Variants in STK39 observed in about 807,000 individuals in gnomAD.
STK39 encodes the protein STE20/SPS1-related proline-alanine-rich protein kinase.
STK39 carries 20 observed loss-of-function variants against 77.8 expected under a neutral mutation model. The ratio of observed to expected loss-of-function variants is 0.26; its 90% CI spans 0.18 to 0.37. The LOEUF (loss-of-function observed/expected upper bound fraction) is 0.37, where lower values mean the gene tolerates loss of function less well. Among genes scored for constraint, STK39 ranks in the 10% least tolerant of loss-of-function variants. The probability of loss-of-function intolerance (pLI) is 1.00; values close to 1 mark genes in which losing one functional copy is unlikely to be tolerated. For synonymous variants in STK39, 246 were observed against 234.1 expected (o/e 1.05, Z -0.47); for missense variants, 479 against 656.5 (o/e 0.73, Z 2.95).
chr2:168,119,256 G>A (rs763826997), intron 10 of STK39, among the ~76,000 whole-genome samples: 2 of 152,040 alleles, frequency 1.3e-5, no homozygotes, highest in Non-Finnish European at 2.9e-5. Context: ...GCGGAAGTGG[G>A]TCCACTTCTC....
At chr2:167,988,049 G>A (rs79748564) in intron 16 of STK39, among the ~76,000 whole-genome samples, 1 of 152,114 alleles carries the variant, frequency 6.6e-6, no homozygotes, top group Admixed American at 6.5e-5. Flanking sequence ...GGGAGGGACA[G>A]AGGCAAGATT....
intron 1 of STK39, among the ~76,000 whole-genome samples, chr2:168,216,790 C>T (rs542492954): frequency 6.6e-6 from 1 of 152,362 alleles, no homozygotes; most frequent in Admixed American, 6.5e-5. Context: ...TCATGAACAG[C>T]AGCGGACTTT....
chr2:168,095,867 T>G (rs1196227783), intron 10 of STK39, among the ~76,000 whole-genome samples: 2 of 152,140 alleles, frequency 1.3e-5, no homozygotes, highest in African/African-American at 2.4e-5. Context: ...GCTTTGCTTT[T>G]CTTTTGTTGA....
At chr2:168,208,789 G>A (rs1044983264) in intron 1 of STK39, among the ~76,000 whole-genome samples, 2 of 152,202 alleles carry the variant, frequency 1.3e-5, no homozygotes, top group African/African-American at 2.4e-5. Context: ...CCCCTGAGCA[G>A]TGCTCCCATG....
At chr2:168,193,970 A>G (rs1037226034) in intron 1 of STK39, among the ~76,000 whole-genome samples, 1 of 152,228 alleles carries the variant, frequency 6.6e-6, no homozygotes, top group Non-Finnish European at 1.5e-5. Flanking sequence ...ACTGGAAAGG[A>G]GGCCTGAAGC....
In STK39 at chr2:168,247,391, C is replaced by G; in HGVS notation, c.45G>C (p.Gln15His). The G allele has an allele frequency of 8.6e-7, 1 of 1,158,786 alleles. No individual in the cohort carries two copies. The highest frequency in any genetic ancestry group is 1.1e-6 in the Non-Finnish European group (1 of 936,852). The allele number at this position is 1,158,786 out of a possible 1,614,324, so 71.8% of individuals were successfully genotyped here. A position where few individuals can be genotyped will look rare whatever the true frequency, so the allele number is the denominator to read the frequency against. Residue 15 changes from glutamine (Q) to histidine (H), a missense_variant, in exon 1 of 18, where the codon CAG (glutamine) becomes CAC (histidine). This residue lies in a region of STK39 where 96 missense variants were observed against 79.1 expected (regional missense o/e 1.21). Coordinates refer to ENST00000355999, the MANE Select transcript of STK39 (RefSeq NM_013233.3). ...CCGCCGCTGTCACCGGGGCCGCCTGCTGGGGAAGCTGGACGTGCACGGGCG... is the reference window on the plus strand; with the variant it reads ...CCGCCGCTGTCACCGGGGCCGCCTGGTGGGGAAGCTGGACGTGCACGGGCG... ...SGSPVHVQLP[Q>H]QAAPVTAAAA...
At chr2:168,216,137 G>A (rs955895899) in intron 1 of STK39, among the ~76,000 whole-genome samples, 1 of 91,418 alleles carries the variant, frequency 1.1e-5, no homozygotes, top group Non-Finnish European at 3.7e-5. Context: ...GATATGGATA[G>A]GCCTCCCGTG....
chr2:167,960,971 T>C (rs918630706), intron 17 of STK39, among the ~76,000 whole-genome samples: 7 of 152,298 alleles, frequency 4.6e-5, no homozygotes, highest in Non-Finnish European at 8.8e-5. Context: ...GGTCTCAGAA[T>C]TTACATTGTA....
chr2:168,236,832 T>C (rs1381096456), intron 1 of STK39, among the ~76,000 whole-genome samples: 2 of 152,198 alleles, frequency 1.3e-5, no homozygotes, highest in Non-Finnish European at 2.9e-5. Context: ...ACCAGTACCA[T>C]GCTGTTTTGG....
At chr2:168,144,990 A>C (rs947533745) in intron 5 of STK39, among the ~76,000 whole-genome samples, 1 of 152,070 alleles carries the variant, frequency 6.6e-6, no homozygotes, top group Non-Finnish European at 1.5e-5. Context: ...GAAAAAAAAA[A>C]AAAAGAATAT....
At chr2:167,964,418 G>C in intron 17 of STK39, 1 of 427,158 alleles carries the variant, frequency 2.3e-6, no homozygotes, top group Non-Finnish European at 4.1e-6. Flanking sequence ...ATTCTTATAT[G>C]GCCGCTCTTA....
chr2:168,124,411 AT>A (rs1337217752), intron 10 of STK39, among the ~76,000 whole-genome samples: 1 of 151,666 alleles, frequency 6.6e-6, no homozygotes, highest in Non-Finnish European at 1.5e-5. Flanking sequence ...TTTTATTTCT[AT>A]TTTTTTGAGG....
rs183335007 is a variant in STK39, at chr2:168,143,494, C to T, written c.629-2736G>A. Among the ~76,000 whole-genome samples the T allele has an allele frequency of 2.8e-3, 433 of 152,234 alleles. 3 individuals carry two copies. Among genetic ancestry groups the T allele is most frequent in the South Asian group, 0.016 (77 of 4,816 alleles). ...TTGGGAGGCCAATGCAAGTGGATCACGAGGTCAGGAGTTCAAGACCATCCA... is the reference window on the plus strand; with the variant it reads ...TTGGGAGGCCAATGCAAGTGGATCATGAGGTCAGGAGTTCAAGACCATCCA... On this transcript the variant is annotated intron_variant, in intron 5 of 17. Transcript: ENST00000355999.
At chr2:167,956,721 CTCTCTCT>C (rs1356109871) in intron 17 of STK39, among the ~76,000 whole-genome samples, 14 of 70,264 alleles carry the variant, frequency 2.0e-4, no homozygotes, top group African/African-American at 8.5e-4. Flanking sequence ...CTCTCTCTCT[CTCTCTCT>C]CCCCCCCCGC....
intron 12 of STK39, among the ~76,000 whole-genome samples, chr2:168,070,684 G>C (rs1329387697): frequency 2.0e-5 from 3 of 148,116 alleles, no homozygotes; most frequent in African/African-American, 7.5e-5. Flanking sequence ...CTATAAGTGA[G>C]AACATGCGGT....
In STK39 at chr2:168,190,364, G is replaced by A. The variant is rs142016665; in HGVS notation, c.209-8274C>T. Among the ~76,000 whole-genome samples the A allele has an allele frequency of 7.9e-5, 12 of 152,312 alleles. No homozygotes were observed. The South Asian group carries it at 2.1e-3, about 26-fold the overall frequency. ...TCAATGTGTTATCTCTAAGTAGGTCGCTGTGGGGGATGTGGCAGTTAACTT... is the reference window on the plus strand; with the variant it reads ...TCAATGTGTTATCTCTAAGTAGGTCACTGTGGGGGATGTGGCAGTTAACTT... On this transcript the variant is annotated intron_variant, in intron 1 of 17. Coordinates refer to ENST00000355999, the MANE Select transcript of STK39 (RefSeq NM_013233.3).
rs557708246 is a variant in STK39 at position 168,193,059 on chromosome 2, G to A, written c.209-10969C>T. 2.6e-5 allele frequency among the ~76,000 whole-genome samples: 4 copies of A among 152,266 alleles called. No homozygotes were observed. In the East Asian group the frequency reaches 7.7e-4, roughly 29 times the overall value. ...AGATACAATTAGCCCCACTTCTCAG[G>A]TAATTAAACAGCCCTGGCTACCACA... is the stretch of plus-strand genomic sequence containing the variant. On this transcript the variant is annotated intron_variant, in intron 1 of 17. Coordinates refer to ENST00000355999, the MANE Select transcript of STK39 (RefSeq NM_013233.3).
chr2:168,133,289 C>G (rs540605285), intron 8 of STK39, among the ~76,000 whole-genome samples: 1 of 152,294 alleles, frequency 6.6e-6, no homozygotes, highest in African/African-American at 2.4e-5. Context: ...AAGAAAACTC[C>G]TTTCTCTGCA....
rs559114793 is a variant in STK39 at position 168,121,500 on chromosome 2, C to T, written c.1089+8041G>A. On this transcript the variant is annotated intron_variant, in intron 10 of 17. Coordinates refer to ENST00000355999, the MANE Select transcript of STK39 (RefSeq NM_013233.3). ...ACCCACTGCCAGCACCTTGATGGAT[C>T]GGAAAAGAAAACATGAAGACAGGTG... Among the ~76,000 whole-genome samples the T allele has an allele frequency of 2.0e-5, 3 of 152,218 alleles. No homozygotes were observed. The East Asian group carries it at 5.8e-4, about 29-fold the overall frequency.
Sources: allele counts gnomAD v4.1 joint callset (sites outside exome capture counted in the v4.1 genomes callset), GRCh38; gene constraint gnomAD v4.1.1; regional missense constraint gnomAD v4.1.1; transcripts MANE v1.5; gene names NCBI Gene and HGNC (gene_info 2026-07-23, HGNC 2026-07-21).